TMEM201: variants seen among roughly 807,000 people sequenced by gnomAD.
TMEM201 encodes the protein RP13-15M17.2.
Under a neutral mutation model 63.4 loss-of-function variants are expected in TMEM201, and 26 were observed. The ratio of observed to expected loss-of-function variants is 0.41; its 90% confidence interval spans 0.30 to 0.57. TMEM201 has a LOEUF of 0.57. TMEM201 is among the 20% of genes least tolerant of loss of function. The probability of loss-of-function intolerance (pLI) is 0.29; values close to 1 mark genes in which losing one functional copy is unlikely to be tolerated. For missense variants in TMEM201, 794 were observed against 917.7 expected, an observed-to-expected ratio of 0.87 and a Z score of 1.74; for synonymous variants, 417 against 421.6, an observed-to-expected ratio of 0.99 and a Z score of 0.14.
chr1:9,591,002 G>T (rs1239877794), intron 1 of TMEM201, among the ~76,000 whole-genome samples: 2 of 152,194 alleles, frequency 1.3e-5, no homozygotes, highest in Non-Finnish European at 2.9e-5. Flanking sequence ...GCACAGAGAT[G>T]GACAGAGAGG....
At chr1:9,601,952 C>A (rs896339353) in intron 5 of TMEM201, 117 bp from the exon 6 acceptor site, 2 of 1,246,830 alleles carry the variant, frequency 1.6e-6, no homozygotes, top group African/African-American at 1.5e-5. Flanking sequence ...CCCACACTGT[C>A]CCCTGGCTCT....
chr1:9,589,096 C>T, intron 1 of TMEM201, 53 bp downstream of exon 1: 1 of 828,170 alleles, frequency 1.2e-6, no homozygotes, highest in Middle Eastern at 5.9e-4. Flanking sequence ...GCCAGGCCCG[C>T]CCCCGCGCCG....
rs1223608876 is a variant in TMEM201 at position 9,610,745 on chromosome 1, A to G, written c.1705A>G (p.Thr569Ala). ...CTCGCCTCACAACGGCAGCCTCTTCACCATGGAGCCGCCCCATGTTCCCCG... is the reference window on the plus strand; with the variant it reads ...CTCGCCTCACAACGGCAGCCTCTTCGCCATGGAGCCGCCCCATGTTCCCCG... ...EHSPHNGSLF[T>A]MEPPHVPRKP... Residue 569 changes from threonine to alanine, a missense_variant, in exon 9 of 11, where the codon ACC becomes GCC. Thr to Ala is a moderately conservative substitution (Grantham distance 58). Transcript: ENST00000340381. The surrounding 1 kb of genome is among the most constrained non-coding windows in gnomAD (Gnocchi z 4.9). 1.9e-6 allele frequency: 3 copies of G among 1,549,808 alleles called. No individual in the cohort carries two copies. Among genetic ancestry groups the G allele is most frequent in the Admixed American group, 3.9e-5 (2 of 50,972 alleles).
intron 1 of TMEM201, among the ~76,000 whole-genome samples, chr1:9,591,449 T>TG (rs1643917647): frequency 6.6e-6 from 1 of 152,238 alleles, no homozygotes; most frequent in Non-Finnish European, 1.5e-5. Flanking sequence ...TCGGCACAGT[T>TG]GGGGGGCAGA....
At chr1:9,599,571 C>T (rs907060602) in intron 4 of TMEM201, among the ~76,000 whole-genome samples, 19 of 150,636 alleles carry the variant, frequency 1.3e-4, no homozygotes, top group African/African-American at 4.4e-4. Context: ...TAACTGTTTC[C>T]ATCATTTTGT....
In TMEM201 at chr1:9,603,013, G is replaced by A. The variant is rs763538258; in HGVS notation, c.1160+741G>A. 1.4e-5 allele frequency: 14 copies of A among 985,598 alleles called. No individual in the cohort carries two copies. Among genetic ancestry groups the A allele is most frequent in the Non-Finnish European group, 1.7e-5 (14 of 830,054 alleles). 61.1% of individuals were successfully genotyped at this position (985,598 alleles called of 1,614,324 possible). A position where few individuals can be genotyped will look rare whatever the true frequency, so the allele number is the denominator to read the frequency against. On this transcript the variant is annotated intron_variant, in intron 6 of 10. Coordinates refer to ENST00000340381, the MANE Select transcript of TMEM201 (RefSeq NM_001130924.3). This position sits in a 1 kb window ranked among gnomAD's most constrained non-coding sequence, Gnocchi z 4.5. ...GTTTGGGGAGCGAGACCCCACCTGA[G>A]ACAGGCAGTAGGAGCCTGTGCTGAC...
chr1:9,613,412 A>T lies in TMEM201; in HGVS notation c.*329A>T, dbSNP rs1210814233. ...CCCACACAGTTCAGCCCTGCCTGGC[A>T]GGGACGCCAGTACTACTGTAACTGC... On this transcript the variant is annotated 3_prime_UTR_variant, in exon 11 of 11. Transcript: ENST00000340381. 2 of 382,178 alleles carry T rather than the reference A, an allele frequency of 5.2e-6. No homozygotes were observed. Among genetic ancestry groups the T allele is most frequent in the Non-Finnish European group, 9.7e-6 (2 of 206,966 alleles). The allele number at this position is 382,178 out of a possible 1,614,324, so 23.7% of individuals were successfully genotyped here. A position where few individuals can be genotyped will look rare whatever the true frequency, so the allele number is the denominator to read the frequency against.
chr1:9,589,160 A>G (rs2100433384), intron 1 of TMEM201, 117 bp downstream of exon 1: 1 of 275,234 alleles, frequency 3.6e-6, no homozygotes, highest in Non-Finnish European at 5.4e-6. Context: ...GGGCGCGCGG[A>G]GACCCCCGGC....
At position 9,603,807 on chromosome 1, in the gene TMEM201, G is replaced by C. The variant is rs950394712; in HGVS notation, c.1160+1535G>C. The C allele has an allele frequency of 4.3e-5, 42 of 985,460 alleles. 1 individual carries two copies. The African/African-American group carries it at 7.1e-4, about 17-fold the overall frequency. The allele number at this position is 985,460 out of a possible 1,614,324, so 61.0% of individuals were successfully genotyped here. A position where few individuals can be genotyped will look rare whatever the true frequency, so the allele number is the denominator to read the frequency against. On this transcript the variant is annotated intron_variant, in intron 6 of 10. Coordinates refer to ENST00000340381, the MANE Select transcript of TMEM201 (RefSeq NM_001130924.3). This position sits in a 1 kb window ranked among gnomAD's most constrained non-coding sequence, Gnocchi z 4.5. ...CAGGTGCATCGGGAGACCCTCGGGG[G>C]CTTCTGTGGCCTCTGTGCCCGATGA...
chr1:9,596,845 C>A lies in TMEM201; in HGVS notation c.235-14C>A, dbSNP rs1226481186. ...GAGGGCCTGCCTGCCTCGAGTCCCA[C>A]CTCTCTCCCGCAGAACGGCGACTAC... On this transcript the variant is annotated splice_polypyrimidine_tract_variant and intron_variant, in intron 2 of 10. Transcript: ENST00000340381. 1.9e-6 allele frequency: 3 copies of A among 1,572,790 alleles called. No individual in the cohort carries two copies. The African/African-American group carries it at 4.0e-5, about 21-fold the overall frequency.
chr1:9,608,636 G>A lies in TMEM201; in HGVS notation c.1393+847G>A, dbSNP rs1236507175. On this transcript the variant is annotated intron_variant, in intron 7 of 10. Coordinates refer to ENST00000340381, the MANE Select transcript of TMEM201 (RefSeq NM_001130924.3). This position sits in a 1 kb window ranked among gnomAD's most constrained non-coding sequence, Gnocchi z 4.3. ...GCCCTGCCCTGGGCCTGAGCACTCC[G>A]AGTAAACTCTGTGCGCACTGACCAA... Among the ~76,000 whole-genome samples the A allele has an allele frequency of 6.6e-6, 1 of 152,202 alleles. No homozygotes were observed. The highest frequency in any genetic ancestry group is 1.5e-5 in the Non-Finnish European group (1 of 68,034).
At position 9,602,935 on chromosome 1, in the gene TMEM201, G is replaced by A. The variant is rs1370468832; in HGVS notation, c.1160+663G>A. 3 of 985,480 alleles carry A rather than the reference G, an allele frequency of 3.0e-6. No individual in the cohort carries two copies. The East Asian group carries it at 3.4e-4, about 112-fold the overall frequency. 61.0% of individuals were successfully genotyped at this position (985,480 alleles called of 1,614,324 possible). ...GCCTCCTGCTCCAAGACCCTCCCGAGTCCCCGGAAATGGAGAGTGCAGTTC... is the reference window on the plus strand; with the variant it reads ...GCCTCCTGCTCCAAGACCCTCCCGAATCCCCGGAAATGGAGAGTGCAGTTC... On this transcript the variant is annotated intron_variant, in intron 6 of 10. Coordinates refer to ENST00000340381, the MANE Select transcript of TMEM201 (RefSeq NM_001130924.3).
intron 10 of TMEM201, among the ~76,000 whole-genome samples, 186 bp downstream of exon 10, chr1:9,612,076 C>T (rs570549940): frequency 2.0e-5 from 3 of 152,362 alleles, no homozygotes; most frequent in Non-Finnish European, 4.4e-5. Flanking sequence ...GGCACTCCCC[C>T]TCTCGGGATT....
Position 9,611,837 on chromosome 1 carries a change from G to A in TMEM201, c.1850G>A (p.Cys617Tyr), listed in dbSNP as rs755028408. 3.9e-6 allele frequency: 6 copies of A among 1,550,696 alleles called. No individual in the cohort carries two copies. The highest frequency in any genetic ancestry group is 4.4e-6 in the Non-Finnish European group (5 of 1,146,988). Residue 617 changes from cysteine (C) to tyrosine (Y), a missense_variant, in exon 10 of 11, where the codon TGT (cysteine) becomes TAT (tyrosine). Coordinates refer to ENST00000340381, the MANE Select transcript of TMEM201 (RefSeq NM_001130924.3). ...KEDDSSQSST[C>Y]VVDTTTRGCS... The stretch of plus-strand genomic sequence containing the variant: ...GACGACTCTTCCCAGTCATCTACCT[G>A]TGTGGTGGACACCACCACCAGGGGC...
chr1:9,599,612 G>GT (rs1644097090), intron 4 of TMEM201, among the ~76,000 whole-genome samples: 1 of 151,246 alleles, frequency 6.6e-6, no homozygotes, highest in South Asian at 2.1e-4. Context: ...CTATTGTGAG[G>GT]TTTTTTTGTT....
rs1644142801 is a variant in TMEM201 at position 9,601,530 on chromosome 1, G to A, written c.956+76G>A. The A allele has an allele frequency of 2.9e-6, 4 of 1,392,926 alleles. No homozygotes were observed. In the South Asian group the frequency reaches 4.1e-5, roughly 14 times the overall value. 86.3% of individuals were successfully genotyped at this position (1,392,926 alleles called of 1,614,324 possible). On this transcript the variant is annotated intron_variant, in intron 5 of 10. Coordinates refer to ENST00000340381, the MANE Select transcript of TMEM201 (RefSeq NM_001130924.3). Reference sequence around the variant, plus strand: ...GATTACTGTCTAGGGCGGGGGCCAAGAGACCCCATTGGGTGCACAGCCCTA... The same window carrying A: ...GATTACTGTCTAGGGCGGGGGCCAAAAGACCCCATTGGGTGCACAGCCCTA...
Position 9,603,504 on chromosome 1 carries a change from G to C in TMEM201, c.1160+1232G>C. 1 of 985,516 alleles carries C rather than the reference G, an allele frequency of 1.0e-6. No homozygotes were observed. Among genetic ancestry groups the C allele is most frequent in the East Asian group, 1.1e-4 (1 of 8,818 alleles). The allele number at this position is 985,516 out of a possible 1,614,324, so 61.0% of individuals were successfully genotyped here. A position where few individuals can be genotyped will look rare whatever the true frequency, so the allele number is the denominator to read the frequency against. ...CTGCCCACTCCCTCAGGGCCCACATGTCCTGCCACTCGCCACTCTGAGCAC... is the reference window on the plus strand; with the variant it reads ...CTGCCCACTCCCTCAGGGCCCACATCTCCTGCCACTCGCCACTCTGAGCAC... On this transcript the variant is annotated intron_variant, in intron 6 of 10. Coordinates refer to ENST00000340381, the MANE Select transcript of TMEM201 (RefSeq NM_001130924.3). This position sits in a 1 kb window ranked among gnomAD's most constrained non-coding sequence, Gnocchi z 4.5.
At chr1:9,590,213 T>C (rs1354167539) in intron 1 of TMEM201, among the ~76,000 whole-genome samples, 1 of 152,138 alleles carries the variant, frequency 6.6e-6, no homozygotes, top group Non-Finnish European at 1.5e-5. Context: ...CGGTTTCTGC[T>C]GGATTCCTGG....
chr1:9,595,980 C>G lies in TMEM201; in HGVS notation c.204C>G (p.Pro68=). ...GGAACCGCAACTGCTGGGACTGTCC[C>G]CACTGCGAGCAGTACAACGGCTTCC... ...PYGNRNCWDC[P]HCEQYNGFQE... Residue 68 remains proline, a synonymous_variant, in exon 2 of 11, where the codon CCC becomes CCG. Transcript: ENST00000340381. The G allele has an allele frequency of 6.2e-7, 1 of 1,613,336 alleles. No homozygotes were observed. Among genetic ancestry groups the G allele is most frequent in the Non-Finnish European group, 8.5e-7 (1 of 1,180,002 alleles).
Sources: allele counts gnomAD v4.1 joint callset (sites outside exome capture counted in the v4.1 genomes callset), GRCh38; gene constraint gnomAD v4.1.1; non-coding constraint Gnocchi (gnomAD v3.1); transcripts MANE v1.5; gene names NCBI Gene and HGNC (gene_info 2026-07-23, HGNC 2026-07-21).